FASTKD1: variants seen among roughly 807,000 people sequenced by gnomAD.
FASTKD1 encodes the protein FAST kinase domains 1.
In FASTKD1, 94 loss-of-function variants were observed where a neutral mutation model predicts 90.9. That is an observed-to-expected ratio of 1.03 (90% CI 0.88 to 1.23). The LOEUF is 1.23. FASTKD1 is among the 50% of genes most tolerant of loss of function. FASTKD1 has a pLI of 0.00. For missense variants in FASTKD1, 945 were observed against 993.5 expected (o/e 0.95, Z 0.66); for synonymous variants, 319 against 345.8 (o/e 0.92, Z 0.86).
At chr2:169,538,250 C>T in intron 10 of FASTKD1, 109 bp from the exon 11 acceptor site, 1 of 890,178 alleles carries the variant, frequency 1.1e-6, no homozygotes. Flanking sequence ...TTTATTCTAA[C>T]AGTATTTAGA....
chr2:169,551,107 G>A (rs1431986485), intron 7 of FASTKD1, among the ~76,000 whole-genome samples: 2 of 152,118 alleles, frequency 1.3e-5, no homozygotes, highest in Admixed American at 6.5e-5. Flanking sequence ...ACTGTCCTGG[G>A]TTATAGGGGA....
intron 12 of FASTKD1, 100 bp from the exon 13 acceptor site, chr2:169,531,590 C>A: frequency 3.5e-6 from 3 of 860,290 alleles, no homozygotes; most frequent in Non-Finnish European, 5.2e-6. Context: ...TATTTGTACA[C>A]ACACACACTC....
intron 3 of FASTKD1, among the ~76,000 whole-genome samples, chr2:169,565,780 A>G (rs1050422037): frequency 9.9e-5 from 15 of 152,240 alleles, no homozygotes; most frequent in Admixed American, 8.5e-4. Context: ...TTCTCCATAG[A>G]GCTTATACTA....
intron 7 of FASTKD1, among the ~76,000 whole-genome samples, chr2:169,547,666 A>T (rs1685263452): frequency 1.3e-5 from 2 of 151,990 alleles, no homozygotes; most frequent in Non-Finnish European, 2.9e-5. Flanking sequence ...GAGGCCAAGG[A>T]CAGGGGTTCG....
intron 12 of FASTKD1, 153 bp downstream of exon 12, chr2:169,537,074 C>A: frequency 5.0e-6 from 2 of 402,106 alleles, no homozygotes; most frequent in East Asian, 5.2e-5. Context: ...AGGATTTATT[C>A]TATTGCTCTT....
At chr2:169,570,832 C>T (rs768240543) in intron 2 of FASTKD1, among the ~76,000 whole-genome samples, 2 of 152,158 alleles carry the variant, frequency 1.3e-5, no homozygotes, top group East Asian at 1.9e-4. Context: ...CCTGCCATCA[C>T]GCCCAGCTAA....
intron 7 of FASTKD1, among the ~76,000 whole-genome samples, chr2:169,554,462 G>A (rs536714886): frequency 2.6e-4 from 39 of 151,776 alleles, no homozygotes; most frequent in African/African-American, 8.5e-4. Flanking sequence ...TCAGGAGTTC[G>A]AAACCAGCCT....
chr2:169,558,856 T>C (rs1683451846), intron 5 of FASTKD1, among the ~76,000 whole-genome samples: 1 of 152,140 alleles, frequency 6.6e-6, no homozygotes, highest in Non-Finnish European at 1.5e-5. Flanking sequence ...CCCAAAGTGC[T>C]GAGATTACAG....
At position 169,546,641 on chromosome 2, in the gene FASTKD1, G is replaced by A. The variant is rs140182583; in HGVS notation, c.1278C>T (p.Leu426=). 2.9e-5 allele frequency: 47 copies of A among 1,614,156 alleles called. No homozygotes were observed. In the African/African-American group the frequency reaches 4.9e-4, roughly 17 times the overall value. The change falls in exon 8 of 15, where the codon CTC becomes CTT. Residue 426 remains leucine (L), a synonymous_variant. Transcript: ENST00000453153. ...CCACTTCGTCCAAGTGAGGAGAAGG[G>A]AGCAGGGAAATAGCACGGACCAGAA... ...VSVLVRAISL[L]PSPHLDEVGI... is the part of the protein sequence containing the mutation.
In FASTKD1 at chr2:169,540,167, G is replaced by C. The variant is rs1236296550; in HGVS notation, c.1829C>G (p.Pro610Arg). ...GAAACCAAGAAACACTAATATAAAA[G>C]GATCCAATATACCTAAAAGAAAATT... ...HLNSYLGILD[P>R]FILVFLGFSL... Residue 610 changes from proline to arginine, a missense_variant, in exon 10 of 15, where the codon CCT (proline) becomes CGT (arginine). Transcript: ENST00000453153. 2 of 1,572,620 alleles carry C rather than the reference G, an allele frequency of 1.3e-6. No individual in the cohort carries two copies. Among genetic ancestry groups the C allele is most frequent in the South Asian group, 2.3e-5 (2 of 87,462 alleles).
chr2:169,570,379 G>C (rs1004180057), intron 2 of FASTKD1, among the ~76,000 whole-genome samples: 3 of 151,756 alleles, frequency 2.0e-5, no homozygotes, highest in Admixed American at 1.3e-4. Context: ...CCCAAAACTG[G>C]AATGTAATAT....
intron 9 of FASTKD1, among the ~76,000 whole-genome samples, chr2:169,541,747 T>C (rs1467913145): frequency 3.3e-5 from 5 of 152,192 alleles, no homozygotes; most frequent in African/African-American, 1.2e-4. Flanking sequence ...GCTCTCAGTA[T>C]CTGTTGCTTG....
intron 9 of FASTKD1, among the ~76,000 whole-genome samples, chr2:169,544,197 T>A (rs13025317): frequency 0.12 from 18,747 of 152,254 alleles, 1,473 homozygotes; most frequent in Non-Finnish European, 0.18. Context: ...CATTATTGAA[T>A]CTACACGGTG....
rs545892280 is a variant in FASTKD1 at position 169,564,816 on chromosome 2, T to C, written c.447-1466A>G. On this transcript the variant is annotated intron_variant, in intron 3 of 14. Transcript: ENST00000453153. ...TAGCTCCCACAAATGAGTGAAAGCA[T>C]GCGACGTTTATCTTTCTGTGCCTGG... Among the ~76,000 whole-genome samples, 13 of 152,248 alleles carry C rather than the reference T, an allele frequency of 8.5e-5. No individual in the cohort carries two copies. The South Asian group carries it at 2.7e-3, about 32-fold the overall frequency.
At position 169,537,330 on chromosome 2, in the gene FASTKD1, GCCA is replaced by G; in HGVS notation, c.2082_2084del (p.Gly695del). 1 of 1,592,240 alleles carries G rather than the reference GCCA, an allele frequency of 6.3e-7. No individual in the cohort carries two copies. The highest frequency in any genetic ancestry group is 8.6e-7 in the Non-Finnish European group (1 of 1,161,660). On this transcript the variant is annotated inframe_deletion, in exon 12 of 15. Transcript: ENST00000453153. ...AAATCTGCTGTTGTGTTCCATCCAT[GCCA>G]CCAATACCTTTATAAAAAAATAAAT...
chr2:169,548,056 T>C (rs977333595), intron 7 of FASTKD1, among the ~76,000 whole-genome samples: 4 of 142,868 alleles, frequency 2.8e-5, no homozygotes, highest in South Asian at 2.2e-4. Context: ...TCTTTAAGTA[T>C]AGAAATAGTG....
At position 169,529,576 on chromosome 2, in the gene FASTKD1, G is replaced by T. The variant is rs1044009113; in HGVS notation, c.*249C>A. Among the ~76,000 whole-genome samples, 2 of 152,084 alleles carry T rather than the reference G, an allele frequency of 1.3e-5. No homozygotes were observed. Among genetic ancestry groups the T allele is most frequent in the African/African-American group, 4.8e-5 (2 of 41,400 alleles). ...ATTCCTTACTTGAAAAGCCCCCAAT[G>T]GCTTCTCATCTCGCTCAGAGTAGCC... On this transcript the variant is annotated 3_prime_UTR_variant, in exon 15 of 15. Coordinates refer to ENST00000453153, the MANE Select transcript of FASTKD1 (RefSeq NM_024622.6).
At chr2:169,566,056 C>T (rs117487060) in intron 3 of FASTKD1, among the ~76,000 whole-genome samples, 4,161 of 152,172 alleles carry the variant, frequency 0.027, 82 homozygotes, top group East Asian at 0.1. Context: ...GTTGTTTGAG[C>T]TCCTTATATA....
intron 12 of FASTKD1, among the ~76,000 whole-genome samples, chr2:169,533,718 A>G (rs183870761): frequency 7.4e-4 from 112 of 152,346 alleles, no homozygotes; most frequent in African/African-American, 2.5e-3. Context: ...ATCATAGCAT[A>G]CTCAATGAAA....
Sources: gnomAD v4.1 joint callset for allele counts (sites outside exome capture counted in the v4.1 genomes callset) on GRCh38, gnomAD v4.1.1 for gene constraint, MANE v1.5 for transcripts, NCBI Gene and HGNC (gene_info 2026-07-23, HGNC 2026-07-21) for gene names.